MYH11: variants seen among roughly 807,000 people sequenced by gnomAD.
MYH11 encodes the protein myosin heavy chain 11, also known as myosin-11.
In MYH11, 80 loss-of-function variants were observed where a neutral mutation model predicts 246.6. The observed-to-expected ratio is 0.32, with a 90% CI of 0.27 to 0.39. The LOEUF is 0.39. Ranked by LOEUF, MYH11 falls within the 10% of genes least tolerant of loss-of-function variation. The probability of loss-of-function intolerance (pLI) is 1.00; values close to 1 mark genes in which losing one functional copy is unlikely to be tolerated. For missense variants in MYH11, 2,158 were observed against 2,546.8 expected, an observed-to-expected ratio of 0.85 and a Z score of 3.29; for synonymous variants, 1,071 against 1,015.5, an observed-to-expected ratio of 1.05 and a Z score of -1.04.
intron 15 of MYH11, among the ~76,000 whole-genome samples, chr16:15,751,051 GA>G (rs2041553137): frequency 6.6e-6 from 1 of 152,000 alleles, no homozygotes; most frequent in African/African-American, 2.4e-5. Context: ...GAAATATTCT[GA>G]GGCAGAAGAT....
chr16:15,751,571 C>G (rs909089794), intron 15 of MYH11, among the ~76,000 whole-genome samples: 1 of 151,596 alleles, frequency 6.6e-6, no homozygotes, highest in East Asian at 1.9e-4. Flanking sequence ...ATGGATGGCA[C>G]CATTTCTTCA....
intron 15 of MYH11, among the ~76,000 whole-genome samples, chr16:15,752,761 G>A (rs2041605781): frequency 6.6e-6 from 1 of 152,114 alleles, no homozygotes; most frequent in Non-Finnish European, 1.5e-5. Context: ...TGCCTGTAAT[G>A]CTAGCTACTT....
At chr16:15,802,879 G>A (rs1253116418) in intron 3 of MYH11, among the ~76,000 whole-genome samples, 1 of 152,178 alleles carries the variant, frequency 6.6e-6, no homozygotes, top group African/African-American at 2.4e-5. Context: ...GGCCGGGCGT[G>A]GTGGCTCACA....
At chr16:15,771,977 G>A (rs987850052) in intron 8 of MYH11, among the ~76,000 whole-genome samples, 32 of 151,798 alleles carry the variant, frequency 2.1e-4, no homozygotes, top group African/African-American at 4.1e-4. Context: ...TCCCTGGCAC[G>A]AAGTTACATT....
intron 4 of MYH11, among the ~76,000 whole-genome samples, chr16:15,795,037 C>T (rs1279754036): frequency 1.3e-5 from 2 of 152,186 alleles, no homozygotes; most frequent in Admixed American, 6.6e-5. Flanking sequence ...GGCGAAGTGG[C>T]TCATGCCTGT....
At chr16:15,779,514 T>C (rs1435393838) in intron 6 of MYH11, 1 of 157,958 alleles carries the variant, frequency 6.3e-6, no homozygotes, top group Non-Finnish European at 1.4e-5. Flanking sequence ...GTGACGTTGC[T>C]CCTGAGAGGT....
At chr16:15,744,999 C>A in intron 20 of MYH11, 130 bp downstream of exon 20, 1 of 749,730 alleles carries the variant, frequency 1.3e-6, no homozygotes, top group Non-Finnish European at 2.4e-6. Flanking sequence ...ACCGCCAATG[C>A]TCAAGGTCTG....
chr16:15,841,621 C>T (rs1041278995), intron 1 of MYH11, among the ~76,000 whole-genome samples: 2 of 152,294 alleles, frequency 1.3e-5, no homozygotes, highest in South Asian at 2.1e-4. Flanking sequence ...GGTAGATTCA[C>T]GTTATCTGTC....
chr16:15,706,564 G>A (rs554951157), intron 40 of MYH11, among the ~76,000 whole-genome samples: 9 of 152,060 alleles, frequency 5.9e-5, no homozygotes, highest in African/African-American at 9.7e-5. Flanking sequence ...TAAATTAGCC[G>A]TGCGTGGTGG....
chr16:15,704,210 CTA>C, intron 40 of MYH11, 87 bp from the exon 41 acceptor site: 2 of 1,507,634 alleles, frequency 1.3e-6, no homozygotes, highest in Non-Finnish European at 1.8e-6. Context: ...AAACTTGTAG[CTA>C]TAGTCCTATT....
intron 7 of MYH11, among the ~76,000 whole-genome samples, chr16:15,776,560 G>A (rs531395314): frequency 1.3e-5 from 2 of 152,268 alleles, no homozygotes; most frequent in East Asian, 1.9e-4. Context: ...ATTCCTGTGT[G>A]AAATGATTGA....
At chr16:15,725,147 AAACACAC>A in intron 28 of MYH11, 155 bp from the exon 29 acceptor site, 1 of 655,402 alleles carries the variant, frequency 1.5e-6, no homozygotes, top group Admixed American at 2.7e-5. Flanking sequence ...AAAAAAAAAA[AAACACAC>A]ACACACACAA....
Position 15,756,423 on chromosome 16 carries a change from T to G in MYH11, c.1667A>C (p.Glu556Ala). Residue 556 changes from glutamate (E) to alanine (A), a missense_variant, in exon 14 of 41, where the codon GAG becomes GCG. By Grantham distance (107) the Glu-to-Ala change is moderately radical. Around this residue, in one of 11 missense-constraint regions of MYH11, gnomAD observed 317 missense variants for 507.7 expected, o/e 0.62. Coordinates refer to ENST00000300036, the MANE Select transcript of MYH11 (RefSeq NM_002474.3). ...DKSFVEKLCT[E>A]QGSHPKFQKP... ...CTGGAACTTGGGGTGGCTGCCCTGC[T>G]CCGTGCACAGCTTCTCCACGAAAGA... The G allele has an allele frequency of 6.2e-7, 1 of 1,614,158 alleles. No individual in the cohort carries two copies. Among genetic ancestry groups the G allele is most frequent in the Non-Finnish European group, 8.5e-7 (1 of 1,180,030 alleles).
At chr16:15,854,983 C>T (rs1293506136) in intron 1 of MYH11, among the ~76,000 whole-genome samples, 1 of 152,130 alleles carries the variant, frequency 6.6e-6, no homozygotes, top group Non-Finnish European at 1.5e-5. Flanking sequence ...CCAGGACCAA[C>T]CGGGCTGCGG....
At position 15,782,480 on chromosome 16, in the gene MYH11, A is replaced by G. The variant is rs1228710338; in HGVS notation, c.634-3T>C. 3.7e-6 allele frequency: 6 copies of G among 1,613,504 alleles called. No individual in the cohort carries two copies. The highest frequency in any genetic ancestry group is 5.1e-6 in the Non-Finnish European group (6 of 1,179,596). ...AGAAGCTGCTTTTCCAGCTCTCCCT[A>G]AAATTCATTCACATCTAGTTATTGG... On this transcript the variant is annotated splice_polypyrimidine_tract_variant and splice_region_variant and intron_variant, in intron 5 of 40. Transcript: ENST00000300036.
chr16:15,834,392 G>A (rs1454894289), intron 2 of MYH11, among the ~76,000 whole-genome samples: 1 of 152,036 alleles, frequency 6.6e-6, no homozygotes, highest in African/African-American at 2.4e-5. Flanking sequence ...CAGGCATGGT[G>A]GCACATCCCT....
Position 15,737,492 on chromosome 16 carries a change from G to A in MYH11, c.3250C>T (p.Gln1084Ter), listed in dbSNP as rs2041154142. 1 of 1,613,694 alleles carries A rather than the reference G, an allele frequency of 6.2e-7. No homozygotes were observed. ...LQAQIAELKM[Q>*]LAKKEEELQA... Reference sequence around the variant, plus strand: ...AGCTCCTCCTCCTTCTTGGCCAGCTGCATCTTGAGCTCTGCGATCTGCGCC... The same window carrying A: ...AGCTCCTCCTCCTTCTTGGCCAGCTACATCTTGAGCTCTGCGATCTGCGCC... Residue 1084 changes from glutamine to a stop codon, truncating the protein, a stop_gained, in exon 25 of 41, where the codon CAG becomes TAG. Transcript: ENST00000300036. LOFTEE classifies it high-confidence loss of function.
chr16:15,833,692 C>A (rs146883372), intron 2 of MYH11, among the ~76,000 whole-genome samples: 2 of 152,270 alleles, frequency 1.3e-5, no homozygotes, highest in East Asian at 1.9e-4. Flanking sequence ...TTGAGGCGAG[C>A]CTTGCAGAAC....
chr16:15,778,854 G>A lies in MYH11; in HGVS notation c.727-11C>T, dbSNP rs886051766. On this transcript the variant is annotated splice_polypyrimidine_tract_variant and intron_variant, in intron 6 of 40. Transcript: ENST00000300036. Reference sequence around the variant, plus strand: ...GCGGATGAATTTGCCCTGCCAACAGGAAAACACAGTTCAGGCTTTGCTGCC... The same window carrying A: ...GCGGATGAATTTGCCCTGCCAACAGAAAAACACAGTTCAGGCTTTGCTGCC... 6.8e-6 allele frequency: 11 copies of A among 1,613,880 alleles called. No individual in the cohort carries two copies. The highest frequency in any genetic ancestry group is 1.6e-4 in the Middle Eastern group (1 of 6,080).
Sources: gnomAD v4.1 joint callset for allele counts (sites outside exome capture counted in the v4.1 genomes callset) on GRCh38, gnomAD v4.1.1 for gene constraint, gnomAD v4.1.1 regional missense constraint, MANE v1.5 for transcripts, NCBI Gene and HGNC (gene_info 2026-07-23, HGNC 2026-07-21) for gene names.